The following ATP13A5 variants were observed in gnomAD, a reference collection of about 807,000 sequenced individuals.
ATP13A5 encodes the protein probable cation-transporting ATPase 13A5.
ATP13A5 carries 149 observed loss-of-function variants against 150.2 expected under a neutral mutation model. The observed-to-expected ratio is 0.99, with a 90% CI of 0.87 to 1.14. ATP13A5 has a LOEUF of 1.14. ATP13A5 is among the 50% of genes most tolerant of loss of function. The pLI is 0.00. For synonymous variants in ATP13A5, 497 were observed against 522.2 expected (o/e 0.95, Z 0.66); for missense variants, 1,383 against 1,449.3 (o/e 0.95, Z 0.74).
At chr3:193,308,255 C>T (rs759138218) in intron 21 of ATP13A5, among the ~76,000 whole-genome samples, 8 of 151,902 alleles carry the variant, frequency 5.3e-5, no homozygotes, top group South Asian at 2.1e-4. Flanking sequence ...GTCAGGAGTT[C>T]GAGACCAGCC....
intron 21 of ATP13A5, among the ~76,000 whole-genome samples, chr3:193,308,301 T>C (rs902070179): frequency 1.3e-5 from 2 of 151,916 alleles, no homozygotes; most frequent in African/African-American, 4.8e-5. Context: ...CTACTAAAGA[T>C]AGAAAAAATC....
At chr3:193,354,435 C>CA (rs893246348) in intron 5 of ATP13A5, among the ~76,000 whole-genome samples, 1 of 150,836 alleles carries the variant, frequency 6.6e-6, no homozygotes, top group South Asian at 2.1e-4. Context: ...TAGTACAACT[C>CA]AAAAAAAAAG....
At chr3:193,326,242 AG>A (rs1488668865) in intron 13 of ATP13A5, among the ~76,000 whole-genome samples, 1 of 152,224 alleles carries the variant, frequency 6.6e-6, no homozygotes, top group East Asian at 1.9e-4. Context: ...GGCAAGTCTT[AG>A]CCCATAGGGA....
At chr3:193,308,505 C>T (rs553603122) in intron 21 of ATP13A5, among the ~76,000 whole-genome samples, 3 of 152,232 alleles carry the variant, frequency 2.0e-5, no homozygotes, top group South Asian at 2.1e-4. Context: ...TGGTTCAATC[C>T]GATACTGGGC....
chr3:193,324,395 C>G (rs920024948), intron 14 of ATP13A5, among the ~76,000 whole-genome samples: 6 of 152,320 alleles, frequency 3.9e-5, no homozygotes, highest in Middle Eastern at 3.4e-3. Context: ...ATTTCAAGGA[C>G]TGAGTAGCCA....
intron 13 of ATP13A5, among the ~76,000 whole-genome samples, chr3:193,326,509 T>C (rs139237787): frequency 5.3e-4 from 80 of 152,218 alleles, no homozygotes; most frequent in Non-Finnish European, 1.0e-3. Context: ...CATGTAATTA[T>C]ATAAAAGTCA....
chr3:193,340,277 G>A (rs766605962), intron 9 of ATP13A5, among the ~76,000 whole-genome samples: 23 of 152,284 alleles, frequency 1.5e-4, no homozygotes, highest in Non-Finnish European at 1.6e-4. Flanking sequence ...GACTGTAAAT[G>A]TTTTGAGACC....
intron 1 of ATP13A5, among the ~76,000 whole-genome samples, chr3:193,370,451 T>G (rs572200492): frequency 1.1e-4 from 16 of 152,198 alleles, no homozygotes; most frequent in African/African-American, 3.9e-4. Context: ...GTAAAATGCA[T>G]CAGAAGTAGT....
At chr3:193,350,174 T>G (rs1712509423) in intron 7 of ATP13A5, among the ~76,000 whole-genome samples, 1 of 152,082 alleles carries the variant, frequency 6.6e-6, no homozygotes, top group Admixed American at 6.6e-5. Flanking sequence ...TATTTTAATT[T>G]TAAAAATTAA....
intron 25 of ATP13A5, among the ~76,000 whole-genome samples, chr3:193,293,016 C>T (rs746839920): frequency 2.6e-5 from 4 of 152,030 alleles, no homozygotes; most frequent in African/African-American, 9.7e-5. Context: ...ATTTTTATTT[C>T]CTTGAAAGCA....
chr3:193,364,398 A>T, intron 1 of ATP13A5, 118 bp from the exon 2 acceptor site: 1 of 1,263,490 alleles, frequency 7.9e-7, no homozygotes, highest in East Asian at 2.4e-5. Flanking sequence ...AAATCTGGTT[A>T]TAGGTGGTTA....
At chr3:193,292,419 G>A (rs956822339) in intron 25 of ATP13A5, among the ~76,000 whole-genome samples, 1 of 152,088 alleles carries the variant, frequency 6.6e-6, no homozygotes, top group African/African-American at 2.4e-5. Flanking sequence ...CAGTAACTGT[G>A]GTAGACTGAA....
chr3:193,331,232 G>A lies in ATP13A5; in HGVS notation c.1352C>T (p.Thr451Ile). The change falls in exon 12 of 30, where the codon ACC becomes ATC. Residue 451 changes from threonine to isoleucine, a missense_variant. Transcript: ENST00000342358. ...CTTCTGAGCATACACGTTGCCTATG[G>A]TCAGGGCAGCTGGCAGCACTGGAGG... ...TVPPVLPAAL[T>I]IGNVYAQKRL... is the part of the protein sequence containing the mutation. 6.2e-7 allele frequency: 1 copy of A among 1,614,054 alleles called. No individual in the cohort carries two copies. The highest frequency in any genetic ancestry group is 1.1e-5 in the South Asian group (1 of 91,068).
At position 193,326,920 on chromosome 3, in the gene ATP13A5, C is replaced by A. The variant is rs980376545; in HGVS notation, c.1523+76G>T. 1.2e-5 allele frequency: 15 copies of A among 1,297,996 alleles called. No homozygotes were observed. In the Admixed American group the frequency reaches 2.1e-4, roughly 18 times the overall value. 80.4% of individuals were successfully genotyped at this position (1,297,996 alleles called of 1,614,324 possible). ...ATTTTATGTGACATTCATCCCTTAA[C>A]ACCCAAAAGATGGATTTGAGTATCA... On this transcript the variant is annotated intron_variant, in intron 13 of 29. Transcript: ENST00000342358.
intron 27 of ATP13A5, among the ~76,000 whole-genome samples, chr3:193,284,186 T>C (rs1488085022): frequency 6.6e-6 from 1 of 151,788 alleles, no homozygotes; most frequent in Non-Finnish European, 1.5e-5. Flanking sequence ...CATGCCCAGC[T>C]AATTTGTAAA....
At chr3:193,344,931 A>T in intron 8 of ATP13A5, 72 bp downstream of exon 8, 1 of 1,379,486 alleles carries the variant, frequency 7.2e-7, no homozygotes. Flanking sequence ...CTTGACTAAT[A>T]ATTAAGGACA....
chr3:193,321,916 C>G, intron 15 of ATP13A5, 79 bp from the exon 16 acceptor site: 1 of 1,480,516 alleles, frequency 6.8e-7, no homozygotes, highest in Non-Finnish European at 9.3e-7. Flanking sequence ...AAGGGCTTTA[C>G]TGTGCAATGA....
rs9843593 is a variant in ATP13A5 at position 193,298,903 on chromosome 3, C to T, written c.2848+228G>A. ...ATAAAACTACAAAGAACTTGGACTACGTTGACAGTTTTTTGTGACTAAGAC... is the reference window on the plus strand; with the variant it reads ...ATAAAACTACAAAGAACTTGGACTATGTTGACAGTTTTTTGTGACTAAGAC... On this transcript the variant is annotated intron_variant, in intron 25 of 29. Transcript: ENST00000342358. 3.3e-3 allele frequency among the ~76,000 whole-genome samples: 509 copies of T among 152,216 alleles called. 4 individuals are homozygous for T. The highest frequency in any genetic ancestry group is 0.012 in the African/African-American group (480 of 41,540).
intron 25 of ATP13A5, among the ~76,000 whole-genome samples, chr3:193,295,355 A>T (rs1718125000): frequency 1.3e-5 from 2 of 152,012 alleles, no homozygotes; most frequent in South Asian, 4.2e-4. Flanking sequence ...TGTGAATGCT[A>T]CTGCTTTCAT....
Sources: allele counts gnomAD v4.1 joint callset (sites outside exome capture counted in the v4.1 genomes callset), GRCh38; gene constraint gnomAD v4.1.1; transcripts MANE v1.5; gene names NCBI Gene and HGNC (gene_info 2026-07-23, HGNC 2026-07-21).